Variants in PDIA5 observed in about 807,000 individuals in gnomAD.
PDIA5 encodes the protein protein disulfide isomerase family A member 5, also known as protein disulfide-isomerase A5.
PDIA5 carries 58 observed loss-of-function variants against 77.6 expected under a neutral mutation model. The ratio of observed to expected loss-of-function variants is 0.75; its 90% CI spans 0.61 to 0.93. PDIA5 has a LOEUF of 0.93. Ranked by LOEUF, PDIA5 falls within the 40% of genes least tolerant of loss-of-function variation. The probability of loss-of-function intolerance (pLI) is 0.00; values close to 1 mark genes in which losing one functional copy is unlikely to be tolerated. For synonymous variants in PDIA5, 250 were observed against 252.1 expected (o/e 0.99, Z 0.08); for missense variants, 630 against 647.7 (o/e 0.97, Z 0.30).
chr3:123,134,699 T>C (rs898648414), intron 11 of PDIA5, among the ~76,000 whole-genome samples: 4 of 152,212 alleles, frequency 2.6e-5, no homozygotes, highest in African/African-American at 9.6e-5. Context: ...GATGCCTAAG[T>C]TGTCACTAAA....
At chr3:123,156,998 T>C (rs1056068095) in intron 15 of PDIA5, among the ~76,000 whole-genome samples, 3 of 152,198 alleles carry the variant, frequency 2.0e-5, no homozygotes, top group African/African-American at 4.8e-5. Context: ...GCCCATTTCC[T>C]TGATGCTCCC....
chr3:123,114,463 C>T (rs556363969), intron 7 of PDIA5, among the ~76,000 whole-genome samples: 159 of 152,344 alleles, frequency 1.0e-3, no homozygotes, highest in African/African-American at 3.7e-3. Context: ...CCCCACTGCA[C>T]AGATAGGGAA....
rs836854 is a variant in PDIA5 at position 123,124,173 on chromosome 3, T to C, written c.701+16T>C. ...GCTATTTTGAGTACGTCCCCCACTT[T>C]CCTTCTAAAGCTCACCTCCCTCCCT... On this transcript the variant is annotated intron_variant, in intron 9 of 16. Coordinates refer to ENST00000316218, the MANE Select transcript of PDIA5 (RefSeq NM_006810.4). 304,277 of 1,605,994 alleles carry C rather than the reference T, an allele frequency of 0.19. 29,751 individuals are homozygous for C. The highest frequency in any genetic ancestry group is 0.23 in the Middle Eastern group (1,367 of 6,046).
At chr3:123,151,995 GCCTT>G (rs1174692027) in intron 14 of PDIA5, among the ~76,000 whole-genome samples, 757 of 65,570 alleles carry the variant, frequency 0.012, 14 homozygotes, top group African/African-American at 0.017. Context: ...CTGCCTTCCT[GCCTT>G]CCTTCCTTCC....
At chr3:123,146,043 T>C in intron 12 of PDIA5, 56 bp from the exon 13 acceptor site, 1 of 1,556,324 alleles carries the variant, frequency 6.4e-7, no homozygotes, top group Non-Finnish European at 8.8e-7. Flanking sequence ...GCTCCTGTGT[T>C]CCACCAGCAC....
chr3:123,093,979 G>A (rs561580550), intron 3 of PDIA5, among the ~76,000 whole-genome samples: 25 of 152,354 alleles, frequency 1.6e-4, no homozygotes, highest in Admixed American at 1.6e-3. Context: ...AACATGCAGC[G>A]CAGGGTGCCT....
intron 15 of PDIA5, among the ~76,000 whole-genome samples, chr3:123,158,605 C>T (rs1936075170): frequency 1.3e-5 from 2 of 152,210 alleles, no homozygotes; most frequent in African/African-American, 4.8e-5. Context: ...CCAAAGAAGC[C>T]AGGGTCCTTG....
chr3:123,067,408 C>T (rs1024660480), intron 1 of PDIA5: 54 of 438,770 alleles, frequency 1.2e-4, no homozygotes, highest in African/African-American at 9.5e-4. Flanking sequence ...CCAAGCGCTC[C>T]CGGACGCAGG....
In PDIA5 at chr3:123,150,147, A is replaced by C. The variant is rs1935855083; in HGVS notation, c.1143-87A>C. The C allele has an allele frequency of 4.6e-6, 4 of 878,936 alleles. No individual in the cohort carries two copies. The South Asian group carries it at 6.2e-5, about 14-fold the overall frequency. The allele number at this position is 878,936 out of a possible 1,614,324, so 54.4% of individuals were successfully genotyped here. ...TGGTTTCTTCATGCATGTTCCCCCG[A>C]GTGGTTGGGACATTGAGGGTGGATT... is the stretch of plus-strand genomic sequence containing the variant. On this transcript the variant is annotated intron_variant, in intron 13 of 16. Coordinates refer to ENST00000316218, the MANE Select transcript of PDIA5 (RefSeq NM_006810.4).
intron 14 of PDIA5, among the ~76,000 whole-genome samples, chr3:123,153,270 G>A (rs961637387): frequency 3.1e-4 from 47 of 152,306 alleles, no homozygotes; most frequent in Admixed American, 2.6e-4. Flanking sequence ...TTGAGGAAGG[G>A]GGGTGGTTAT....
At chr3:123,145,420 G>T in intron 11 of PDIA5, 102 bp from the exon 12 acceptor site, 1 of 746,284 alleles carries the variant, frequency 1.3e-6, no homozygotes, top group Non-Finnish European at 2.3e-6. Flanking sequence ...CTTTTCTCAG[G>T]TGTCTGGGAA....
At chr3:123,153,202 T>A (rs896609174) in intron 14 of PDIA5, among the ~76,000 whole-genome samples, 1 of 152,204 alleles carries the variant, frequency 6.6e-6, no homozygotes, top group African/African-American at 2.4e-5. Flanking sequence ...GACAGTTACC[T>A]TTAGACTTTC....
intron 1 of PDIA5, among the ~76,000 whole-genome samples, chr3:123,087,818 G>A (rs1186169724): frequency 6.6e-6 from 1 of 152,166 alleles, no homozygotes; most frequent in Non-Finnish European, 1.5e-5. Flanking sequence ...TTTACTGGGA[G>A]AGCCTCACAG....
intron 10 of PDIA5, 83 bp from the exon 11 acceptor site, chr3:123,130,397 C>G: frequency 6.9e-7 from 1 of 1,455,706 alleles, no homozygotes; most frequent in Non-Finnish European, 9.2e-7. Flanking sequence ...CCATGGGGAG[C>G]TTTGGGTCCA....
In PDIA5 at chr3:123,089,450, C is replaced by A. The variant is rs1057227108; in HGVS notation, c.169+156C>A. ...TTTCCTCAGAAGACAGAGGCAGAGG[C>A]ACACAGAGGCATTGGCTCTGCCACT... On this transcript the variant is annotated intron_variant, in intron 2 of 16. Transcript: ENST00000316218. Among the ~76,000 whole-genome samples the A allele has an allele frequency of 2.0e-5, 3 of 152,236 alleles. No homozygotes were observed. The South Asian group carries it at 6.2e-4, about 32-fold the overall frequency.
At chr3:123,091,473 G>A (rs375437404) in intron 2 of PDIA5, among the ~76,000 whole-genome samples, 2 of 152,284 alleles carry the variant, frequency 1.3e-5, no homozygotes, top group African/African-American at 4.8e-5. Context: ...GCTGGCCACA[G>A]GAATCAAACA....
chr3:123,099,679 A>G (rs1277137377), intron 3 of PDIA5, among the ~76,000 whole-genome samples: 1 of 152,178 alleles, frequency 6.6e-6, no homozygotes, highest in Non-Finnish European at 1.5e-5. Context: ...TCTACCAGCC[A>G]ACTTAGTTGT....
intron 13 of PDIA5, among the ~76,000 whole-genome samples, chr3:123,147,062 C>G (rs557656494): frequency 6.6e-6 from 1 of 152,192 alleles, no homozygotes; most frequent in Non-Finnish European, 1.5e-5. Context: ...CCACCCGCCT[C>G]AGCCTCCCAA....
At chr3:123,112,016 G>A (rs577328617) in intron 7 of PDIA5, among the ~76,000 whole-genome samples, 6 of 152,304 alleles carry the variant, frequency 3.9e-5, no homozygotes, top group African/African-American at 1.2e-4. Context: ...TGTGGTGTCC[G>A]TGGGCGCTTG....
Sources: gnomAD v4.1 joint callset for allele counts (sites outside exome capture counted in the v4.1 genomes callset) on GRCh38, gnomAD v4.1.1 for gene constraint, MANE v1.5 for transcripts, NCBI Gene and HGNC (gene_info 2026-07-23, HGNC 2026-07-21) for gene names.